Variants in ITGAL observed in about 807,000 individuals in gnomAD.
The protein encoded by ITGAL is integrin subunit alpha L.
A neutral mutation model predicts 138.4 loss-of-function variants in ITGAL; 68 were observed. That is an observed-to-expected ratio of 0.49 (90% confidence interval 0.40 to 0.60). The LOEUF (loss-of-function observed/expected upper bound fraction) is 0.60, where lower values mean the gene tolerates loss of function less well. Ranked by LOEUF, ITGAL falls within the 20% of genes least tolerant of loss-of-function variation. The pLI is 0.00. For missense variants in ITGAL, 1,256 were observed against 1,478.6 expected (o/e 0.85, Z 2.47); for synonymous variants, 561 against 584.3 (o/e 0.96, Z 0.57).
intron 17 of ITGAL, among the ~76,000 whole-genome samples, chr16:30,502,571 A>G (rs1299160986): frequency 6.6e-6 from 1 of 151,498 alleles, no homozygotes; most frequent in Non-Finnish European, 1.5e-5. Context: ...ACATGGTGAA[A>G]ACCCATCTCT....
At chr16:30,499,715 A>ATATATATGTGTATATATATATGTGTG (rs1486364935) in intron 17 of ITGAL, among the ~76,000 whole-genome samples, 1 of 103,312 alleles carries the variant, frequency 9.7e-6, no homozygotes, top group East Asian at 3.6e-4. Context: ...ATATATATGT[A>ATATATATGTGTATATATATATGTGTG]TATATATATA....
At chr16:30,498,979 GAGA>G in intron 15 of ITGAL, 92 bp from the exon 16 acceptor site, 1 of 1,125,374 alleles carries the variant, frequency 8.9e-7, no homozygotes. Context: ...TTTAGGGAAG[GAGA>G]GTTCTCTGGC....
intron 9 of ITGAL, among the ~76,000 whole-genome samples, chr16:30,488,514 G>A (rs960966830): frequency 1.3e-5 from 2 of 151,806 alleles, no homozygotes; most frequent in African/African-American, 4.8e-5. Flanking sequence ...AGACCAGGCT[G>A]GCCAACATGG....
intron 11 of ITGAL, among the ~76,000 whole-genome samples, chr16:30,490,969 C>CAAAA (rs111825062): frequency 9.4e-6 from 1 of 106,026 alleles, no homozygotes; most frequent in Non-Finnish European, 1.9e-5. Context: ...GACTTTGTCT[C>CAAAA]AAAAAAAAAA....
At chr16:30,484,817 G>T (rs2050616349) in intron 9 of ITGAL, among the ~76,000 whole-genome samples, 1 of 151,952 alleles carries the variant, frequency 6.6e-6, no homozygotes, top group Non-Finnish European at 1.5e-5. Context: ...TACTCAGGGG[G>T]CTGAGGCAGG....
intron 2 of ITGAL, chr16:30,474,590 G>A (rs761206798): frequency 1.5e-4 from 58 of 377,162 alleles, no homozygotes; most frequent in Non-Finnish European, 2.4e-4. Flanking sequence ...TCCCCTGCGA[G>A]CGCCTGGAAG....
rs187291653 is a variant in ITGAL, at chr16:30,517,900, T to C, written c.3132+5T>C. Reference sequence around the variant, plus strand: ...GAGCTGGTGGGAGAGATCGAGGTAGTCCCCGCTCCTAAGAGATGTGGAGCT... The same window carrying C: ...GAGCTGGTGGGAGAGATCGAGGTAGCCCCCGCTCCTAAGAGATGTGGAGCT... On this transcript the variant is annotated splice_donor_5th_base_variant and intron_variant, in intron 28 of 30. Transcript: ENST00000356798. 2.0e-3 allele frequency: 3,302 copies of C among 1,613,038 alleles called. 9 individuals carry two copies. The highest frequency in any genetic ancestry group is 4.0e-3 in the Middle Eastern group (23 of 5,754).
At chr16:30,506,681 C>T (rs2051003444) in intron 20 of ITGAL, 34 bp from the exon 21 acceptor site, 2 of 1,592,364 alleles carry the variant, frequency 1.3e-6, no homozygotes, top group Non-Finnish European at 8.6e-7. Flanking sequence ...CCCTGATCCT[C>T]CCTCCTCCAT....
At chr16:30,511,183 C>G in intron 24 of ITGAL, 47 bp downstream of exon 24, 1 of 1,473,018 alleles carries the variant, frequency 6.8e-7, no homozygotes, top group Non-Finnish European at 9.5e-7. Context: ...CCACCGCAGC[C>G]TCCCAACCCA....
chr16:30,487,639 T>A (rs1193986001), intron 9 of ITGAL, among the ~76,000 whole-genome samples: 1 of 151,854 alleles, frequency 6.6e-6, no homozygotes, highest in African/African-American at 2.4e-5. Context: ...CTTGAACTCC[T>A]AACCTCAGGT....
At chr16:30,478,989 GA>G (rs1175098190) in intron 4 of ITGAL, 101 bp from the exon 5 acceptor site, 3 of 847,360 alleles carry the variant, frequency 3.5e-6, no homozygotes, top group African/African-American at 3.4e-5. Context: ...GAGGAAGTGA[GA>G]AAGAGGACAA....
intron 24 of ITGAL, among the ~76,000 whole-genome samples, chr16:30,512,631 T>C (rs575422389): frequency 1.1e-4 from 17 of 151,522 alleles, no homozygotes; most frequent in African/African-American, 4.1e-4. Context: ...CTTTTTCCAG[T>C]TGGCTCAGTT....
Position 30,517,682 on chromosome 16 carries a change from G to C in ITGAL, c.3010G>C (p.Glu1004Gln). Residue 1004 changes from glutamate (E) to glutamine (Q), a missense_variant, in exon 27 of 31, where the codon GAG becomes CAG. Around this residue, in one of 3 missense-constraint regions of ITGAL, gnomAD observed 867 missense variants for 972.5 expected, o/e 0.89. Transcript: ENST00000356798. ...CGTGCCCTGCCACTATGAGGATCTGGAGAGGCTCCCGGATGCAGCTGAGGT... is the reference window on the plus strand; with the variant it reads ...CGTGCCCTGCCACTATGAGGATCTGCAGAGGCTCCCGGATGCAGCTGAGGT... ...PPVPCHYEDLERLPDAAEPCL... is the reference protein window; with the variant it reads ...PPVPCHYEDLQRLPDAAEPCL... 1 of 1,614,154 alleles carries C rather than the reference G, an allele frequency of 6.2e-7. No individual in the cohort carries two copies. Among genetic ancestry groups the C allele is most frequent in the East Asian group, 2.2e-5 (1 of 44,888 alleles).
At chr16:30,520,875 G>A (rs566649906) in intron 30 of ITGAL, among the ~76,000 whole-genome samples, 10 of 152,222 alleles carry the variant, frequency 6.6e-5, no homozygotes, top group Middle Eastern at 3.4e-3. Flanking sequence ...ACCTGAGGTC[G>A]CGAGTTCGAG....
rs2050532053 is a variant in ITGAL, at chr16:30,480,066, G to A, written c.576+605G>A. On this transcript the variant is annotated intron_variant, in intron 6 of 30. Transcript: ENST00000356798. ...CTCAAATGATCCTCCCAACTAGCTG[G>A]GACTACCCATGTGCACCACTGTGCG... Among the ~76,000 whole-genome samples, 4 of 151,794 alleles carry A rather than the reference G, an allele frequency of 2.6e-5. No individual in the cohort carries two copies. The Admixed American group carries it at 2.6e-4, about 10-fold the overall frequency.
intron 9 of ITGAL, among the ~76,000 whole-genome samples, chr16:30,487,817 G>C (rs548911326): frequency 1.3e-5 from 2 of 149,832 alleles, no homozygotes; most frequent in African/African-American, 2.5e-5. Context: ...TCCCAGCCTC[G>C]AGCAATTCTC....
At chr16:30,515,516 C>A (rs527629880) in intron 25 of ITGAL, among the ~76,000 whole-genome samples, 1 of 152,210 alleles carries the variant, frequency 6.6e-6, no homozygotes, top group Non-Finnish European at 1.5e-5. Flanking sequence ...CACTCTCAAG[C>A]CTTCCAGGCC....
intron 25 of ITGAL, among the ~76,000 whole-genome samples, chr16:30,516,418 C>T (rs547476727): frequency 7.2e-5 from 11 of 151,980 alleles, no homozygotes; most frequent in East Asian, 1.9e-4. Flanking sequence ...TTAGTAGAGA[C>T]GGGGTTTCAC....
At chr16:30,510,653 T>A (rs189019979) in intron 22 of ITGAL, among the ~76,000 whole-genome samples, 182 bp downstream of exon 22, 2 of 152,242 alleles carry the variant, frequency 1.3e-5, no homozygotes, top group East Asian at 3.9e-4. Flanking sequence ...GACTTTAGAA[T>A]CAGGCAAAGC....
Sources: allele counts gnomAD v4.1 joint callset (sites outside exome capture counted in the v4.1 genomes callset), GRCh38; gene constraint gnomAD v4.1.1; regional missense constraint gnomAD v4.1.1; transcripts MANE v1.5; gene names NCBI Gene and HGNC (gene_info 2026-07-23, HGNC 2026-07-21).